Variants in LPP observed in about 807,000 individuals in gnomAD.
LPP encodes the protein lipoma-preferred partner.
In LPP, 38 loss-of-function variants were observed where a neutral mutation model predicts 60.4. That is an observed-to-expected ratio of 0.63 (90% confidence interval 0.49 to 0.83). The LOEUF (loss-of-function observed/expected upper bound fraction) is 0.83. LPP is among the 40% of genes least tolerant of loss of function. The pLI is 0.00. For synonymous variants in LPP, 328 were observed against 290.8 expected (o/e 1.13, Z -1.30); for missense variants, 902 against 783.6 (o/e 1.15, Z -1.80).
At chr3:188,544,992 A>G (rs1456655689) in intron 6 of LPP, among the ~76,000 whole-genome samples, 5 of 53,742 alleles carry the variant, frequency 9.3e-5, no homozygotes, top group Non-Finnish European at 1.8e-4. Flanking sequence ...TTCTCAGTAA[A>G]CTATCGCAAG....
chr3:188,231,914 A>G (rs1325193288), intron 2 of LPP, among the ~76,000 whole-genome samples: 1 of 152,172 alleles, frequency 6.6e-6, no homozygotes, highest in Non-Finnish European at 1.5e-5. Context: ...GCATAAATCA[A>G]TATTACACGG....
At chr3:188,725,849 T>C (rs1252314657) in intron 8 of LPP, among the ~76,000 whole-genome samples, 1 of 152,160 alleles carries the variant, frequency 6.6e-6, no homozygotes, top group African/African-American at 2.4e-5. Flanking sequence ...ACATAGATCA[T>C]GTTAAGACTG....
At chr3:188,842,514 C>T (rs765752819) in intron 9 of LPP, among the ~76,000 whole-genome samples, 54 of 152,070 alleles carry the variant, frequency 3.6e-4, no homozygotes, top group Non-Finnish European at 6.8e-4. Flanking sequence ...TGCAGATTAA[C>T]TTGATGTGAT....
chr3:188,726,677 TG>T (rs1386131398), intron 8 of LPP, among the ~76,000 whole-genome samples: 1 of 152,164 alleles, frequency 6.6e-6, no homozygotes, highest in African/African-American at 2.4e-5. Flanking sequence ...GTCTCTATTA[TG>T]GGTGAAATCT....
intron 4 of LPP, among the ~76,000 whole-genome samples, chr3:188,419,565 A>G (rs1452607198): frequency 3.9e-5 from 6 of 152,202 alleles, no homozygotes; most frequent in Admixed American, 3.9e-4. Context: ...TCACCAGGAT[A>G]AGTGGCAACC....
chr3:188,545,683 T>C (rs1377614826), intron 6 of LPP, among the ~76,000 whole-genome samples: 1 of 152,092 alleles, frequency 6.6e-6, no homozygotes. Context: ...TAATGTGAGT[T>C]CCTCTACAGG....
At chr3:188,523,512 C>G (rs144167727) in intron 5 of LPP, among the ~76,000 whole-genome samples, 5 of 152,220 alleles carry the variant, frequency 3.3e-5, no homozygotes, top group Non-Finnish European at 1.5e-5. Flanking sequence ...TTACCCTTTA[C>G]GCTTGCTTCA....
At chr3:188,499,322 T>A (rs1011610620) in intron 5 of LPP, among the ~76,000 whole-genome samples, 2 of 152,086 alleles carry the variant, frequency 1.3e-5, no homozygotes, top group South Asian at 4.1e-4. Context: ...TAGGAAAGAG[T>A]CCACCCTTAC....
At chr3:188,258,642 C>G (rs1026929464) in intron 2 of LPP, among the ~76,000 whole-genome samples, 5 of 152,244 alleles carry the variant, frequency 3.3e-5, no homozygotes, top group South Asian at 4.1e-4. Context: ...TTCCAGAGAT[C>G]TTGATTTGAA....
intron 2 of LPP, among the ~76,000 whole-genome samples, chr3:188,240,490 T>C (rs577815521): frequency 2.0e-5 from 3 of 152,202 alleles, no homozygotes; most frequent in African/African-American, 2.4e-5. Context: ...GAAGGAAGTC[T>C]TATACGTACT....
At chr3:188,177,024 G>A (rs1396271619) in intron 1 of LPP, among the ~76,000 whole-genome samples, 1 of 152,232 alleles carries the variant, frequency 6.6e-6, no homozygotes. Flanking sequence ...ATGAGCTAGA[G>A]GAAGGATAGA....
intron 6 of LPP, among the ~76,000 whole-genome samples, chr3:188,528,850 C>A (rs1821389807): frequency 6.6e-6 from 1 of 152,006 alleles, no homozygotes; most frequent in Admixed American, 6.6e-5. Flanking sequence ...ATTTTACCAT[C>A]GATGAAAGCT....
chr3:188,198,361 A>T (rs1036468595), intron 1 of LPP, among the ~76,000 whole-genome samples: 1 of 152,220 alleles, frequency 6.6e-6, no homozygotes, highest in Non-Finnish European at 1.5e-5. Flanking sequence ...ATGTTTTCTA[A>T]CTACCTGCTG....
intron 2 of LPP, among the ~76,000 whole-genome samples, chr3:188,236,143 G>A (rs972100474): frequency 6.6e-6 from 1 of 152,118 alleles, no homozygotes; most frequent in African/African-American, 2.4e-5. Context: ...GATCTATTAG[G>A]TTGGTGCAAA....
At chr3:188,854,894 G>A (rs1763452815) in intron 9 of LPP, among the ~76,000 whole-genome samples, 1 of 152,198 alleles carries the variant, frequency 6.6e-6, no homozygotes, top group Non-Finnish European at 1.5e-5. Flanking sequence ...CAACATGTGA[G>A]TGGAATGGTA....
intron 5 of LPP, among the ~76,000 whole-genome samples, chr3:188,503,094 G>A (rs1335065060): frequency 6.6e-6 from 1 of 150,894 alleles, no homozygotes; most frequent in East Asian, 1.9e-4. Context: ...TTGATTTTTT[G>A]TAGTAAAATA....
chr3:188,649,854 A>G (rs1851757036), intron 7 of LPP, among the ~76,000 whole-genome samples: 1 of 152,202 alleles, frequency 6.6e-6, no homozygotes, highest in Non-Finnish European at 1.5e-5. Flanking sequence ...CATAATGAAC[A>G]AGGAACCAAG....
At chr3:188,562,401 T>A (rs1306261125) in intron 6 of LPP, 1 of 152,072 alleles carries the variant, frequency 6.6e-6, no homozygotes, top group Non-Finnish European at 1.5e-5. Flanking sequence ...TAATAGATCC[T>A]TATTTGTTGG....
chr3:188,334,162 T>C (rs1431990478), intron 2 of LPP, among the ~76,000 whole-genome samples: 1 of 152,196 alleles, frequency 6.6e-6, no homozygotes, highest in East Asian at 1.9e-4. Context: ...CATGATGTCC[T>C]CCAGGCTTAT....
Sources: allele counts gnomAD v4.1 joint callset (sites outside exome capture counted in the v4.1 genomes callset), GRCh38; gene constraint gnomAD v4.1.1; transcripts MANE v1.5; gene names NCBI Gene and HGNC (gene_info 2026-07-23, HGNC 2026-07-21).